The following CNOT6 variants were observed in gnomAD, a reference collection of about 807,000 sequenced individuals.
CNOT6 encodes CCR4-NOT transcription complex subunit 6.
Under a neutral mutation model 61.2 loss-of-function variants are expected in CNOT6, and 12 were observed. That is an observed-to-expected ratio of 0.20 (90% confidence interval 0.13 to 0.32). The LOEUF (loss-of-function observed/expected upper bound fraction) is 0.32, where lower values mean the gene tolerates loss of function less well. CNOT6 is among the 10% of genes least tolerant of loss of function. CNOT6 has a pLI of 1.00. For synonymous variants in CNOT6, 225 were observed against 240.6 expected, an observed-to-expected ratio of 0.94 and a Z score of 0.60; for missense variants, 405 against 663.9, an observed-to-expected ratio of 0.61 and a Z score of 4.28.
chr5:180,506,454 A>T (rs902521751), intron 1 of CNOT6, among the ~76,000 whole-genome samples: 1 of 152,204 alleles, frequency 6.6e-6, no homozygotes, highest in Non-Finnish European at 1.5e-5. Context: ...GAGATAATGC[A>T]TGTAAAGTGC....
At chr5:180,535,218 C>T (rs148063719) in intron 2 of CNOT6, among the ~76,000 whole-genome samples, 30 of 152,346 alleles carry the variant, frequency 2.0e-4, no homozygotes, top group African/African-American at 7.0e-4. Context: ...GTTTTCTTAC[C>T]GGATATATTG....
At chr5:180,562,629 A>G (rs1760245413) in intron 4 of CNOT6, among the ~76,000 whole-genome samples, 1 of 152,108 alleles carries the variant, frequency 6.6e-6, no homozygotes, top group Non-Finnish European at 1.5e-5. Context: ...AGTCCCAGCT[A>G]CCTGGGAGGC....
At chr5:180,549,879 C>A in intron 2 of CNOT6, 52 bp from the exon 3 acceptor site, 2 of 1,346,596 alleles carry the variant, frequency 1.5e-6, no homozygotes, top group Non-Finnish European at 2.1e-6. Context: ...ATCTACAGAA[C>A]AAAATGTAGA....
chr5:180,535,293 G>A (rs1265577177), intron 2 of CNOT6, among the ~76,000 whole-genome samples: 2 of 152,188 alleles, frequency 1.3e-5, no homozygotes, highest in Admixed American at 1.3e-4. Flanking sequence ...GTACCCAAAA[G>A]GTAACTTTTT....
chr5:180,499,519 C>A (rs1217467975), intron 1 of CNOT6, among the ~76,000 whole-genome samples: 1 of 152,200 alleles, frequency 6.6e-6, no homozygotes, highest in Non-Finnish European at 1.5e-5. Context: ...AGTTCTCATA[C>A]AACTGTTAAT....
chr5:180,513,687 TTA>T (rs1248731207), intron 1 of CNOT6, among the ~76,000 whole-genome samples: 2 of 128,986 alleles, frequency 1.6e-5, no homozygotes, highest in African/African-American at 2.7e-5. Context: ...ATTTATTTAT[TTA>T]TTTATTTATT....
At chr5:180,516,759 T>G (rs1757655429) in intron 1 of CNOT6, among the ~76,000 whole-genome samples, 1 of 152,236 alleles carries the variant, frequency 6.6e-6, no homozygotes, top group Non-Finnish European at 1.5e-5. Context: ...TTGCATCTGA[T>G]TATATTCCTT....
chr5:180,499,170 C>T (rs935419746), intron 1 of CNOT6, among the ~76,000 whole-genome samples: 1 of 152,180 alleles, frequency 6.6e-6, no homozygotes, highest in African/African-American at 2.4e-5. Context: ...CCCAGTTGCT[C>T]TATAATACAG....
At chr5:180,526,514 TGA>T (rs1758109091) in intron 1 of CNOT6, among the ~76,000 whole-genome samples, 2 of 152,122 alleles carry the variant, frequency 1.3e-5, no homozygotes, top group South Asian at 4.1e-4. Flanking sequence ...GGTCATCAGC[TGA>T]GAGGGAGGAT....
At chr5:180,568,865 C>G (rs55673143) in intron 9 of CNOT6, among the ~76,000 whole-genome samples, 2,877 of 152,270 alleles carry the variant, frequency 0.019, 37 homozygotes, top group Non-Finnish European at 0.027. Context: ...TTTTAAAAAT[C>G]AAGCTGTCCC....
chr5:180,531,215 C>T (rs540284102), intron 2 of CNOT6, among the ~76,000 whole-genome samples: 1 of 147,628 alleles, frequency 6.8e-6, no homozygotes, highest in South Asian at 2.2e-4. Flanking sequence ...AGAGGGGCTC[C>T]TCACTTCCCA....
At chr5:180,560,130 A>G (rs948718329) in intron 4 of CNOT6, among the ~76,000 whole-genome samples, 2 of 151,892 alleles carry the variant, frequency 1.3e-5, no homozygotes, top group Non-Finnish European at 2.9e-5. Context: ...GAATTTTAAT[A>G]GAGACGAGGT....
chr5:180,553,179 A>G (rs894488701), intron 3 of CNOT6, among the ~76,000 whole-genome samples: 2 of 149,706 alleles, frequency 1.3e-5, no homozygotes, highest in Non-Finnish European at 3.0e-5. Flanking sequence ...CCATTATTTC[A>G]TTTTCTCTAG....
At chr5:180,495,256 C>A (rs78939904) in intron 1 of CNOT6, among the ~76,000 whole-genome samples, 2,234 of 152,290 alleles carry the variant, frequency 0.015, 49 homozygotes, top group African/African-American at 0.051. Flanking sequence ...CAGTTTAACG[C>A]AGATTTTGAG....
chr5:180,526,449 A>G (rs991051007), intron 1 of CNOT6, among the ~76,000 whole-genome samples: 1 of 152,194 alleles, frequency 6.6e-6, no homozygotes, highest in Non-Finnish European at 1.5e-5. Flanking sequence ...AGATGGGCAT[A>G]GGTGGGAGTT....
intron 4 of CNOT6, among the ~76,000 whole-genome samples, chr5:180,558,721 T>G (rs1358876714): frequency 2.0e-5 from 3 of 152,010 alleles, no homozygotes; most frequent in Non-Finnish European, 4.4e-5. Flanking sequence ...AATGTAGAAA[T>G]TTTCCTCCCA....
intron 6 of CNOT6, among the ~76,000 whole-genome samples, chr5:180,565,336 G>A (rs1760399297): frequency 6.6e-6 from 1 of 152,224 alleles, no homozygotes; most frequent in Non-Finnish European, 1.5e-5. Context: ...TAAATTCTAT[G>A]TAAATAGTTT....
intron 1 of CNOT6, among the ~76,000 whole-genome samples, chr5:180,505,630 C>T (rs1561631182): frequency 6.7e-6 from 1 of 149,350 alleles, no homozygotes; most frequent in Non-Finnish European, 1.5e-5. Context: ...TCACTGCAAG[C>T]TCCGCCTCCC....
chr5:180,570,198 A>G (rs1760674817), intron 10 of CNOT6, among the ~76,000 whole-genome samples: 1 of 152,142 alleles, frequency 6.6e-6, no homozygotes, highest in Non-Finnish European at 1.5e-5. Context: ...TCTGTACTGA[A>G]AATACAAAAA....
Sources: gnomAD v4.1 joint callset for allele counts (sites outside exome capture counted in the v4.1 genomes callset) on GRCh38, gnomAD v4.1.1 for gene constraint, MANE v1.5 for transcripts, NCBI Gene and HGNC (gene_info 2026-07-23, HGNC 2026-07-21) for gene names.